Variants in SCHIP1 observed in about 807,000 individuals in gnomAD.
SCHIP1 encodes the protein schwannomin interacting protein 1.
Under a neutral mutation model 29.7 loss-of-function variants are expected in SCHIP1, and 8 were observed. The ratio of observed to expected loss-of-function variants is 0.27; its 90% CI spans 0.16 to 0.49. The LOEUF (loss-of-function observed/expected upper bound fraction) is 0.49. Ranked by LOEUF, SCHIP1 falls within the 20% of genes least tolerant of loss-of-function variation. The pLI is 0.99. For missense variants in SCHIP1, 193 were observed against 294.6 expected (o/e 0.66, Z 2.52); for synonymous variants, 76 against 94.9 (o/e 0.80, Z 1.16).
chr3:159,824,566 G>A, the SCHIP1 span, among the ~76,000 whole-genome samples: 1 of 152,170 alleles, frequency 6.6e-6, no homozygotes, highest in Non-Finnish European at 1.5e-5. Flanking sequence ...GTTCAGCAGG[G>A]CCAGACCTGT....
At chr3:159,463,559 G>T in the SCHIP1 span, among the ~76,000 whole-genome samples, 1 of 151,954 alleles carries the variant, frequency 6.6e-6, no homozygotes, top group South Asian at 2.1e-4. Context: ...CTGTTTTTCT[G>T]ATTCCAAAGC....
chr3:159,419,638 A>T, the SCHIP1 span, among the ~76,000 whole-genome samples: 1 of 152,146 alleles, frequency 6.6e-6, no homozygotes, highest in South Asian at 2.1e-4. Flanking sequence ...GTGAAACCCC[A>T]TCTCTACTAA....
rs544350785 is a variant in SCHIP1 at position 159,840,478 on chromosome 3, G to C, written c.30+264G>C. Among the ~76,000 whole-genome samples, 11 of 152,336 alleles carry C rather than the reference G, an allele frequency of 7.2e-5. No homozygotes were observed. The South Asian group carries it at 1.0e-3, about 14-fold the overall frequency. On this transcript the variant is annotated intron_variant, in intron 1 of 6. Coordinates refer to ENST00000445224, the Ensembl canonical transcript of SCHIP1. ...GCATATTTTGTACGTCTGCAAAAAA[G>C]AGGAATTGCTTTGGACTGTAATTTG...
the SCHIP1 span, among the ~76,000 whole-genome samples, chr3:159,573,270 T>G: frequency 6.6e-6 from 1 of 152,228 alleles, no homozygotes; most frequent in African/African-American, 2.4e-5. Context: ...TTTCCATGTT[T>G]AGTGCTTCCT....
chr3:159,409,445 T>C, the SCHIP1 span, among the ~76,000 whole-genome samples: 14 of 152,216 alleles, frequency 9.2e-5, no homozygotes, highest in African/African-American at 3.1e-4. Context: ...AATTGCAGGA[T>C]ACAAAATTAA....
chr3:159,555,568 TTC>T, the SCHIP1 span, among the ~76,000 whole-genome samples: 3 of 151,918 alleles, frequency 2.0e-5, no homozygotes, highest in Admixed American at 6.6e-5. Flanking sequence ...GATGAGCAAA[TTC>T]TCTCTCTCTC....
chr3:159,600,410 T>C, the SCHIP1 span, among the ~76,000 whole-genome samples: 598 of 152,294 alleles, frequency 3.9e-3, 6 homozygotes, highest in African/African-American at 0.014. Flanking sequence ...TTTGTCCAGA[T>C]GGGTTGTTTT....
chr3:159,316,114 G>A, the SCHIP1 span, among the ~76,000 whole-genome samples: 3 of 151,860 alleles, frequency 2.0e-5, no homozygotes, highest in African/African-American at 7.3e-5. Flanking sequence ...TACCTAGATG[G>A]TAGGATTTCT....
the SCHIP1 span, chr3:159,764,394 G>A: frequency 1.3e-6 from 2 of 1,514,078 alleles, no homozygotes; most frequent in East Asian, 2.4e-5. The surrounding 1 kb of genome is among the most constrained non-coding windows in gnomAD (Gnocchi z 6.1). Context: ...GTGGCGGGAG[G>A]CTGGAGCAGG....
chr3:159,494,844 G>T, the SCHIP1 span, among the ~76,000 whole-genome samples: 1 of 152,136 alleles, frequency 6.6e-6, no homozygotes, highest in Non-Finnish European at 1.5e-5. Context: ...GAACATTGAT[G>T]CAAAAATCCT....
At chr3:159,811,915 A>G in the SCHIP1 span, among the ~76,000 whole-genome samples, 2 of 148,370 alleles carry the variant, frequency 1.3e-5, no homozygotes, top group East Asian at 4.1e-4. Context: ...CAATTCCTTT[A>G]TTTAGATCTT....
At chr3:159,587,613 T>TC in the SCHIP1 span, among the ~76,000 whole-genome samples, 1 of 152,012 alleles carries the variant, frequency 6.6e-6, no homozygotes, top group East Asian at 1.9e-4. Flanking sequence ...ATGCTATCCC[T>TC]CCCCCCTTTC....
intron 6 of SCHIP1, among the ~76,000 whole-genome samples, chr3:159,895,305 T>C (rs1460923216): frequency 6.6e-6 from 1 of 152,196 alleles, no homozygotes; most frequent in African/African-American, 2.4e-5. Context: ...ACTCCCCTGT[T>C]TCTGAAAGTA....
chr3:159,328,902 T>G, the SCHIP1 span, among the ~76,000 whole-genome samples: 1 of 152,080 alleles, frequency 6.6e-6, no homozygotes, highest in Non-Finnish European at 1.5e-5. Context: ...CCCCTGTGAG[T>G]CTCAGTTTTC....
At chr3:159,469,436 G>T in the SCHIP1 span, among the ~76,000 whole-genome samples, 1 of 152,120 alleles carries the variant, frequency 6.6e-6, no homozygotes, top group Non-Finnish European at 1.5e-5. Flanking sequence ...TATTCTCTGA[G>T]CTTCCATTTC....
At chr3:159,662,183 A>G in the SCHIP1 span, among the ~76,000 whole-genome samples, 2 of 152,128 alleles carry the variant, frequency 1.3e-5, no homozygotes, top group African/African-American at 4.8e-5. Context: ...AAAATAGCCA[A>G]TCAGAATTAG....
the SCHIP1 span, among the ~76,000 whole-genome samples, chr3:159,292,551 C>G: frequency 6.6e-6 from 1 of 152,054 alleles, no homozygotes. Context: ...GGAGCAATTA[C>G]TTTGCTGAGA....
the SCHIP1 span, among the ~76,000 whole-genome samples, chr3:159,573,111 A>T: frequency 6.6e-5 from 10 of 152,120 alleles, no homozygotes; most frequent in Non-Finnish European, 1.2e-4. Flanking sequence ...GCCCATTTAC[A>T]TTTAAGGTTA....
chr3:159,609,579 G>T, the SCHIP1 span, among the ~76,000 whole-genome samples: 1 of 152,004 alleles, frequency 6.6e-6, no homozygotes, highest in Admixed American at 6.6e-5. Flanking sequence ...CAAAAAGATT[G>T]TAAGTGATAA....
Sources: gnomAD v4.1 joint callset for allele counts (sites outside exome capture counted in the v4.1 genomes callset) on GRCh38, gnomAD v4.1.1 for gene constraint, Gnocchi (gnomAD v3.1) non-coding constraint, MANE v1.5 for transcripts, NCBI Gene and HGNC (gene_info 2026-07-23, HGNC 2026-07-21) for gene names.